OPHN1: variants seen among roughly 807,000 people sequenced by gnomAD.
The protein encoded by OPHN1 is oligophrenin-1.
In OPHN1, 11 loss-of-function variants were observed where a neutral mutation model predicts 60.7. The observed-to-expected ratio is 0.18, with a 90% confidence interval of 0.11 to 0.30. The LOEUF (loss-of-function observed/expected upper bound fraction) is 0.30, where lower values mean the gene tolerates loss of function less well. Among genes scored for constraint, OPHN1 ranks in the 10% least tolerant of loss-of-function variants. The probability of loss-of-function intolerance (pLI) is 1.00; values close to 1 mark genes in which losing one functional copy is unlikely to be tolerated. For missense variants in OPHN1, 449 were observed against 611.0 expected (o/e 0.73, Z 2.80); for synonymous variants, 226 against 222.6 (o/e 1.02, Z -0.14).
At chrX:68,392,661 AC>A (rs1157072856) in intron 2 of OPHN1, among the ~76,000 whole-genome samples, 1 of 109,519 alleles carries the variant, frequency 9.1e-6, no homozygotes, top group Non-Finnish European at 1.9e-5. Context: ...ACCCATATAA[AC>A]CCTGATCTCC....
chrX:68,089,848 C>T (rs889411203), intron 19 of OPHN1, among the ~76,000 whole-genome samples: 1 of 111,742 alleles, frequency 8.9e-6, no homozygotes, highest in Non-Finnish European at 1.9e-5. Context: ...GTGTGAAAGA[C>T]CTCCACTTAG....
chrX:68,051,005 T>C (rs895710776), intron 23 of OPHN1, among the ~76,000 whole-genome samples: 5 of 111,943 alleles, frequency 4.5e-5, no homozygotes, highest in Non-Finnish European at 9.4e-5. Context: ...GGTAAATTAT[T>C]GTCTAAGGAG....
chrX:68,205,237 C>T (rs956282802), intron 10 of OPHN1, among the ~76,000 whole-genome samples: 12 of 110,690 alleles, frequency 1.1e-4, no homozygotes, highest in African/African-American at 3.3e-4. Flanking sequence ...CACCTGAGGT[C>T]GGGAATTCGA....
At chrX:68,184,316 G>T (rs2077451785) in intron 15 of OPHN1, among the ~76,000 whole-genome samples, 1 of 111,469 alleles carries the variant, frequency 9.0e-6, no homozygotes, top group African/African-American at 3.3e-5. Flanking sequence ...GAGGTCAAGA[G>T]TTCGAGACCA....
In OPHN1 at chrX:68,317,977, T is replaced by C. The variant is rs189209526; in HGVS notation, c.155-18881A>G. Reference sequence around the variant, plus strand: ...TACAACGTATCAAAAGTGTCTCTATTTCAAAGCGTCTGTATTTCAGATGAC... The same window carrying C: ...TACAACGTATCAAAAGTGTCTCTATCTCAAAGCGTCTGTATTTCAGATGAC... On this transcript the variant is annotated intron_variant, in intron 2 of 24. Coordinates refer to ENST00000355520, the MANE Select transcript of OPHN1 (RefSeq NM_002547.3). Among the ~76,000 whole-genome samples, 33 of 111,750 alleles carry C rather than the reference T, an allele frequency of 3.0e-4. No homozygotes were observed. In the East Asian group the frequency reaches 6.2e-3, roughly 21 times the overall value.
intron 6 of OPHN1, among the ~76,000 whole-genome samples, chrX:68,220,945 G>C (rs2077653325): frequency 1.1e-5 from 1 of 87,098 alleles, no homozygotes; most frequent in Non-Finnish European, 2.4e-5. Flanking sequence ...AATTAGGCAG[G>C]AGAAGGAAAT....
At chrX:68,125,933 A>ATC (rs2077168659) in intron 15 of OPHN1, among the ~76,000 whole-genome samples, 1 of 54,448 alleles carries the variant, frequency 1.8e-5, no homozygotes, top group Non-Finnish European at 3.5e-5. Flanking sequence ...ACTGATCAAT[A>ATC]TATATATATA....
chrX:68,404,732 A>C (rs759644340), intron 2 of OPHN1, among the ~76,000 whole-genome samples: 1 of 112,261 alleles, frequency 8.9e-6, no homozygotes, highest in South Asian at 3.7e-4. Flanking sequence ...AAACTTAAAA[A>C]AGAATAAACC....
At chrX:68,292,321 T>G (rs1026713903) in intron 3 of OPHN1, among the ~76,000 whole-genome samples, 2 of 112,128 alleles carry the variant, frequency 1.8e-5, no homozygotes, top group African/African-American at 6.5e-5. Context: ...ATAAAGGTTG[T>G]TTACCAATTT....
At chrX:68,426,302 G>T (rs370431715) in intron 2 of OPHN1, among the ~76,000 whole-genome samples, 1 of 108,212 alleles carries the variant, frequency 9.2e-6, no homozygotes, top group East Asian at 3.0e-4. Context: ...TTAGCTGGGC[G>T]TGGTAGCGCA....
At chrX:68,218,932 T>C (rs2077634271) in intron 6 of OPHN1, among the ~76,000 whole-genome samples, 4 of 70,572 alleles carry the variant, frequency 5.7e-5, no homozygotes, top group African/African-American at 1.1e-4. Flanking sequence ...CATAACAATA[T>C]TAACTTTAAA....
chrX:68,238,735 T>G (rs1386863793), intron 5 of OPHN1, among the ~76,000 whole-genome samples: 1 of 111,288 alleles, frequency 9.0e-6, no homozygotes, highest in Non-Finnish European at 1.9e-5. Flanking sequence ...GTGGCTCGCT[T>G]CTTCGGTGCC....
At chrX:68,055,968 G>A (rs538758753) in intron 21 of OPHN1, among the ~76,000 whole-genome samples, 6 of 111,119 alleles carry the variant, frequency 5.4e-5, no homozygotes, top group East Asian at 2.8e-4. Context: ...TGGGAGGAGC[G>A]GGGAGGGATA....
At chrX:68,126,633 C>G (rs928144430) in intron 15 of OPHN1, among the ~76,000 whole-genome samples, 2 of 111,193 alleles carry the variant, frequency 1.8e-5, no homozygotes, top group African/African-American at 3.3e-5. Context: ...TTAGTAGAGG[C>G]AGGGTTTCAC....
In OPHN1 at chrX:68,372,372, T is replaced by C. The variant is rs2078533665; in HGVS notation, c.154+60495A>G. 4.5e-5 allele frequency among the ~76,000 whole-genome samples: 5 copies of C among 111,506 alleles called. No homozygotes were observed. The Admixed American group carries it at 4.8e-4, about 11-fold the overall frequency. ...GCATTATGAATGTAACCAATGCCAC[T>C]GATCTGTATACTTACAAATGGTCAA... On this transcript the variant is annotated intron_variant, in intron 2 of 24. Transcript: ENST00000355520.
intron 12 of OPHN1, among the ~76,000 whole-genome samples, chrX:68,196,352 T>A (rs947837366): frequency 3.6e-5 from 4 of 111,939 alleles, no homozygotes; most frequent in Admixed American, 9.5e-5. Context: ...CTTCCATCTG[T>A]TTTTTCTAAG....
At chrX:68,264,172 A>T (rs910854471) in intron 5 of OPHN1, among the ~76,000 whole-genome samples, 2 of 111,562 alleles carry the variant, frequency 1.8e-5, no homozygotes, top group African/African-American at 6.5e-5. Flanking sequence ...AACCTAGGCA[A>T]TACCATTCAG....
chrX:68,382,540 G>A (rs991859822), intron 2 of OPHN1, among the ~76,000 whole-genome samples: 1 of 110,583 alleles, frequency 9.0e-6, no homozygotes, highest in Non-Finnish European at 1.9e-5. Context: ...AGTATTAAAT[G>A]AGATAACAAA....
chrX:68,126,295 T>C (rs781335041), intron 15 of OPHN1, among the ~76,000 whole-genome samples: 4 of 110,933 alleles, frequency 3.6e-5, no homozygotes, highest in Non-Finnish European at 7.5e-5. Flanking sequence ...GCCATGTGTC[T>C]GTTTAGGATC....
Sources: gnomAD v4.1 joint callset for allele counts (sites outside exome capture counted in the v4.1 genomes callset) on GRCh38, gnomAD v4.1.1 for gene constraint, MANE v1.5 for transcripts, NCBI Gene and HGNC (gene_info 2026-07-23, HGNC 2026-07-21) for gene names.